SCARB2: variants seen among roughly 807,000 people sequenced by gnomAD.
SCARB2 encodes the protein scavenger receptor class B member 2.
A neutral mutation model predicts 58.6 loss-of-function variants in SCARB2; 29 were observed. The ratio of observed to expected loss-of-function variants is 0.49; its 90% CI spans 0.37 to 0.67. The LOEUF is 0.67. Ranked by LOEUF, SCARB2 falls within the 30% of genes least tolerant of loss-of-function variation. SCARB2 has a pLI of 0.00. For missense variants in SCARB2, 488 were observed against 578.5 expected, an observed-to-expected ratio of 0.84 and a Z score of 1.60; for synonymous variants, 195 against 210.1, an observed-to-expected ratio of 0.93 and a Z score of 0.62.
intron 2 of SCARB2, chr4:76,184,785 CAAAAA>C (rs35947779): frequency 0.09 from 28,878 of 321,616 alleles, 1,632 homozygotes; most frequent in African/African-American, 0.18. Context: ...TTGTCTCTAC[CAAAAA>C]AAAAAAAAAT....
intron 5 of SCARB2, chr4:76,176,192 A>G: frequency 3.3e-6 from 2 of 602,792 alleles, no homozygotes; most frequent in Non-Finnish European, 5.8e-6. Context: ...ACTAAGCAAG[A>G]GTGGGACTTT....
At chr4:76,177,832 C>T (rs556333634) in intron 4 of SCARB2, among the ~76,000 whole-genome samples, 1 of 152,256 alleles carries the variant, frequency 6.6e-6, no homozygotes, top group African/African-American at 2.4e-5. Flanking sequence ...TGCAAATTCA[C>T]AGAGCCAGAA....
chr4:76,202,656 A>T (rs941574482), intron 1 of SCARB2, among the ~76,000 whole-genome samples: 1 of 152,092 alleles, frequency 6.6e-6, no homozygotes, highest in African/African-American at 2.4e-5. Context: ...AGAAAGTAAA[A>T]GGAACAAAAT....
In SCARB2 at chr4:76,159,941, T is replaced by A. The variant is rs1560701703; in HGVS notation, c.*1772A>T. The A allele has an allele frequency of 6.6e-6, 1 of 152,252 alleles. No homozygotes were observed. The highest frequency in any genetic ancestry group is 2.4e-5 in the African/African-American group (1 of 41,460). 9.4% of individuals were successfully genotyped at this position (152,252 alleles called of 1,614,324 possible). On this transcript the variant is annotated 3_prime_UTR_variant, in exon 12 of 12. Transcript: ENST00000264896. ...GATAAGTACATGCATAATTAAGACA[T>A]GCCCAATTATCTAGTTAAATGTTGA...
chr4:76,164,015 C>T (rs1442423510), intron 10 of SCARB2: 2 of 155,776 alleles, frequency 1.3e-5, no homozygotes, highest in East Asian at 3.8e-4. Context: ...TAATCAGGAC[C>T]ACAGCCCTCT....
upstream of SCARB2, among the ~76,000 whole-genome samples, chr4:76,216,708 G>T (rs145041843): frequency 1.3e-5 from 2 of 152,170 alleles, no homozygotes; most frequent in African/African-American, 4.8e-5. Flanking sequence ...TATGTCAGGC[G>T]GTTAGTAAGC....
chr4:76,205,865 T>C (rs143908895), intron 1 of SCARB2, among the ~76,000 whole-genome samples: 1 of 152,340 alleles, frequency 6.6e-6, no homozygotes, highest in East Asian at 1.9e-4. Context: ...TAGAGAAACA[T>C]TTCTCTACTC....
intron 2 of SCARB2, 132 bp downstream of exon 2, chr4:76,195,575 G>T: frequency 1.3e-6 from 1 of 771,396 alleles, no homozygotes; most frequent in Non-Finnish European, 2.2e-6. Context: ...CATCAGCAGC[G>T]TTTCAGACAA....
chr4:76,171,031 A>G (rs1284819967), intron 7 of SCARB2, among the ~76,000 whole-genome samples: 1 of 150,904 alleles, frequency 6.6e-6, no homozygotes, highest in Non-Finnish European at 1.5e-5. Context: ...TATTGAAAAG[A>G]AGAGAGGGAC....
rs1388151162 is a variant in SCARB2 at position 76,229,459 on chromosome 4, AT to A, written c.-358+4843del. On this transcript the variant is annotated intron_variant, in intron 1 of 11. Transcript: ENST00000638295. The stretch of plus-strand genomic sequence containing the variant: ...AGAATTACTTTTCTGATTCCTTCTC[AT>A]TTGGGTAGACTGTTTCAGTGGAAAA... Among the ~76,000 whole-genome samples the A allele has an allele frequency of 5.9e-5, 9 of 152,214 alleles. No homozygotes were observed. The East Asian group carries it at 1.7e-3, about 29-fold the overall frequency.
At chr4:76,195,409 C>G (rs928361504) in intron 2 of SCARB2, 29 of 310,228 alleles carry the variant, frequency 9.3e-5, no homozygotes, top group African/African-American at 6.0e-4. Flanking sequence ...AAGGGGCAAC[C>G]TTAAAAGGGT....
intron 1 of SCARB2, among the ~76,000 whole-genome samples, chr4:76,228,097 T>TA (rs1229595852): frequency 1.3e-5 from 2 of 151,752 alleles, no homozygotes; most frequent in African/African-American, 4.8e-5. Context: ...TACCTTTTTT[T>TA]TTCATTGTGT....
At position 76,161,385 on chromosome 4, in the gene SCARB2, C is replaced by T; in HGVS notation, c.*328G>A. The T allele has an allele frequency of 2.5e-6, 1 of 395,734 alleles. No homozygotes were observed. The highest frequency in any genetic ancestry group is 5.0e-5 in the East Asian group (1 of 19,958). 24.5% of individuals were successfully genotyped at this position (395,734 alleles called of 1,614,324 possible). On this transcript the variant is annotated 3_prime_UTR_variant, in exon 12 of 12. Coordinates refer to ENST00000264896, the MANE Select transcript of SCARB2 (RefSeq NM_005506.4). ...AGACCAGTAGCATTAACAAGTGATG[C>T]AGAGACATTTTACCCACAATAGTGG...
chr4:76,170,131 C>G, intron 7 of SCARB2, 146 bp from the exon 8 acceptor site: 4 of 681,840 alleles, frequency 5.9e-6, no homozygotes, highest in East Asian at 5.4e-5. Context: ...AAAACACCAT[C>G]CTTTACCTCC....
chr4:76,174,953 T>G, intron 6 of SCARB2: 1 of 154,476 alleles, frequency 6.5e-6, no homozygotes, highest in Admixed American at 6.4e-5. Flanking sequence ...CCTAACCACT[T>G]TGATGTACAC....
upstream of SCARB2, among the ~76,000 whole-genome samples, chr4:76,215,642 T>C (rs1733192579): frequency 6.6e-6 from 1 of 152,218 alleles, no homozygotes; most frequent in African/African-American, 2.4e-5. Flanking sequence ...AGCTAGATCA[T>C]AAATGCCTTG....
At chr4:76,161,834 G>A (rs2109930712) in intron 11 of SCARB2, 83 bp from the exon 12 acceptor site, 3 of 1,315,116 alleles carry the variant, frequency 2.3e-6, no homozygotes, top group South Asian at 1.2e-5. Context: ...TGGGGAGTGG[G>A]GGCATGGAAG....
rs1733133977 is a variant in SCARB2 at position 76,213,807 on chromosome 4, A to C, written c.-264T>G. The C allele has an allele frequency of 2.8e-6, 1 of 357,212 alleles. No homozygotes were observed. The highest frequency in any genetic ancestry group is 5.0e-6 in the Non-Finnish European group (1 of 198,542). The allele number at this position is 357,212 out of a possible 1,614,324, so 22.1% of individuals were successfully genotyped here. A position where few individuals can be genotyped will look rare whatever the true frequency, so the allele number is the denominator to read the frequency against. On this transcript the variant is annotated 5_prime_UTR_variant, in exon 1 of 12. Coordinates refer to ENST00000264896, the MANE Select transcript of SCARB2 (RefSeq NM_005506.4). ...CGCCGGGCAGCCGTGGCGCCCGCCT[A>C]GCGCAGCTCGGGAGAGTGCAGGGAG... is the stretch of plus-strand genomic sequence containing the variant.
At chr4:76,203,001 C>CT (rs1033456042) in intron 1 of SCARB2, among the ~76,000 whole-genome samples, 12 of 151,938 alleles carry the variant, frequency 7.9e-5, no homozygotes, top group African/African-American at 2.9e-4. Context: ...ATTTTGTTTT[C>CT]TTTTTTTGAG....
Sources: gnomAD v4.1 joint callset for allele counts (sites outside exome capture counted in the v4.1 genomes callset) on GRCh38, gnomAD v4.1.1 for gene constraint, MANE v1.5 for transcripts, NCBI Gene and HGNC (gene_info 2026-07-23, HGNC 2026-07-21) for gene names.